Variants in ST3GAL1 observed in about 807,000 individuals in gnomAD.
The protein encoded by ST3GAL1 is ST3 beta-galactoside alpha-2,3-sialyltransferase 1.
Under a neutral mutation model 34.1 loss-of-function variants are expected in ST3GAL1, and 16 were observed. The ratio of observed to expected loss-of-function variants is 0.47; its 90% CI spans 0.32 to 0.71. The LOEUF is 0.71. Ranked by LOEUF, ST3GAL1 falls within the 30% of genes least tolerant of loss-of-function variation. The probability of loss-of-function intolerance (pLI) is 0.04; values close to 1 mark genes in which losing one functional copy is unlikely to be tolerated. For missense variants in ST3GAL1, 353 were observed against 447.4 expected, an observed-to-expected ratio of 0.79 and a Z score of 1.90; for synonymous variants, 191 against 184.7, an observed-to-expected ratio of 1.03 and a Z score of -0.28.
intron 5 of ST3GAL1, among the ~76,000 whole-genome samples, chr8:133,472,604 C>T (rs56864912): frequency 0.014 from 2,120 of 152,238 alleles, 43 homozygotes; most frequent in African/African-American, 0.047. Context: ...GCCTGTATCC[C>T]GATTCTTTAT....
intron 8 of ST3GAL1, 38 bp downstream of exon 8, chr8:133,463,376 C>G (rs372542415): frequency 3.1e-6 from 5 of 1,611,948 alleles, no homozygotes; most frequent in Non-Finnish European, 4.2e-6. Flanking sequence ...GATGAGGAAG[C>G]CTGAACTTAG....
At chr8:133,526,523 T>C (rs998000771) in intron 2 of ST3GAL1, among the ~76,000 whole-genome samples, 10 of 152,154 alleles carry the variant, frequency 6.6e-5, no homozygotes, top group Non-Finnish European at 1.5e-4. Flanking sequence ...AGGACATCTA[T>C]TGAGGGTCAG....
intron 1 of ST3GAL1, among the ~76,000 whole-genome samples, chr8:133,566,218 A>C (rs959543279): frequency 6.6e-6 from 1 of 152,192 alleles, no homozygotes. Context: ...AGTTTGACAC[A>C]ACCCATAGGA....
chr8:133,537,156 G>A (rs1392850440), intron 2 of ST3GAL1, among the ~76,000 whole-genome samples: 1 of 152,106 alleles, frequency 6.6e-6, no homozygotes, highest in Non-Finnish European at 1.5e-5. Flanking sequence ...TTTGCTGGAA[G>A]GGCTCACAGA....
intron 2 of ST3GAL1, among the ~76,000 whole-genome samples, chr8:133,540,290 C>T (rs1294546179): frequency 1.3e-5 from 2 of 152,212 alleles, no homozygotes; most frequent in Admixed American, 6.5e-5. Context: ...AACAGCTCCT[C>T]GCTGCTGCCC....
chr8:133,520,566 C>T (rs1442464868), intron 2 of ST3GAL1, among the ~76,000 whole-genome samples: 2 of 152,086 alleles, frequency 1.3e-5, no homozygotes, highest in Non-Finnish European at 2.9e-5. Flanking sequence ...AACATGAATC[C>T]CCTGCAGGGA....
chr8:133,567,856 T>TG (rs1819448802), intron 1 of ST3GAL1, among the ~76,000 whole-genome samples: 4 of 151,572 alleles, frequency 2.6e-5, no homozygotes, highest in Admixed American at 2.6e-4. Context: ...AGGTGGTGGC[T>TG]GTCTTCACAA....
chr8:133,507,688 G>A (rs182197844), intron 2 of ST3GAL1, among the ~76,000 whole-genome samples: 1 of 152,326 alleles, frequency 6.6e-6, no homozygotes, highest in African/African-American at 2.4e-5. Context: ...GGAAACCTGA[G>A]CAGCATGGAG....
intron 2 of ST3GAL1, among the ~76,000 whole-genome samples, chr8:133,531,914 G>C (rs1387840669): frequency 6.6e-6 from 1 of 151,502 alleles, no homozygotes; most frequent in Admixed American, 6.6e-5. Context: ...GATACTTCTG[G>C]GGAATCCATG....
intron 2 of ST3GAL1, among the ~76,000 whole-genome samples, chr8:133,520,836 A>G (rs1817784281): frequency 6.8e-6 from 1 of 146,004 alleles, no homozygotes; most frequent in Non-Finnish European, 1.5e-5. Flanking sequence ...CTATGGTGCG[A>G]TTCCAGCTCA....
At chr8:133,524,594 C>T (rs543513642) in intron 2 of ST3GAL1, among the ~76,000 whole-genome samples, 5 of 152,382 alleles carry the variant, frequency 3.3e-5, no homozygotes, top group African/African-American at 4.8e-5. Context: ...GCAAGCCAGG[C>T]GTGAAGCAGC....
At position 133,540,856 on chromosome 8, in the gene ST3GAL1, C is replaced by CAT. The variant is rs71299075; in HGVS notation, c.-429+4916_-429+4917dup. On this transcript the variant is annotated intron_variant, in intron 2 of 9. Transcript: ENST00000522652. ...ATATAGAGAGACATATATATAGAGA[C>CAT]ATATATATAGAGACATATATATAGA... Among the ~76,000 whole-genome samples the CAT allele has an allele frequency of 9.1e-4, 72 of 79,332 alleles. 1 individual carries two copies. Among genetic ancestry groups the CAT allele is most frequent in the African/African-American group, 2.2e-3 (42 of 18,974 alleles). 52.0% of individuals were successfully genotyped at this position (79,332 alleles called of 152,430 possible). A position where few individuals can be genotyped will look rare whatever the true frequency, so the allele number is the denominator to read the frequency against.
At chr8:133,510,743 T>C (rs1224528866) in intron 2 of ST3GAL1, among the ~76,000 whole-genome samples, 1 of 152,236 alleles carries the variant, frequency 6.6e-6, no homozygotes, top group Non-Finnish European at 1.5e-5. Flanking sequence ...ACAAACTCCA[T>C]GCACTCTGAG....
intron 2 of ST3GAL1, among the ~76,000 whole-genome samples, chr8:133,526,534 G>T (rs559844931): frequency 5.2e-4 from 79 of 152,212 alleles, no homozygotes; most frequent in African/African-American, 1.7e-3. Flanking sequence ...TGAGGGTCAG[G>T]GACCTAATGG....
Position 133,570,727 on chromosome 8 carries a change from C to G in ST3GAL1, c.-582+966G>C, listed in dbSNP as rs980571147. Among the ~76,000 whole-genome samples the G allele has an allele frequency of 1.9e-4, 29 of 152,094 alleles. No homozygotes were observed. The highest frequency in any genetic ancestry group is 7.0e-4 in the African/African-American group (29 of 41,422). ...AACACTCGCGCAGAGAAAGGAGGAG[C>G]GGAAAGTTGCGCCACCGTCCCGATT... On this transcript the variant is annotated intron_variant, in intron 1 of 9. Transcript: ENST00000522652. The surrounding 1 kb of genome is among the most constrained non-coding windows in gnomAD (Gnocchi z 5.6).
intron 5 of ST3GAL1, among the ~76,000 whole-genome samples, chr8:133,474,986 C>CA (rs1816112124): frequency 6.6e-6 from 1 of 152,082 alleles, no homozygotes; most frequent in East Asian, 1.9e-4. Flanking sequence ...TAGTGGCTCC[C>CA]AAAAAGATAC....
intron 3 of ST3GAL1, among the ~76,000 whole-genome samples, chr8:133,493,076 T>C (rs1031682755): frequency 6.6e-6 from 1 of 152,182 alleles, no homozygotes; most frequent in Non-Finnish European, 1.5e-5. Context: ...CAGGTAGGCA[T>C]CCAACACTGG....
chr8:133,557,107 C>T (rs769927958), intron 1 of ST3GAL1, among the ~76,000 whole-genome samples: 2 of 152,164 alleles, frequency 1.3e-5, no homozygotes, highest in African/African-American at 2.4e-5. Flanking sequence ...CTAGCAAGCT[C>T]AAAGCCTGAT....
At chr8:133,525,379 G>A (rs887666841) in intron 2 of ST3GAL1, among the ~76,000 whole-genome samples, 4 of 152,324 alleles carry the variant, frequency 2.6e-5, no homozygotes, top group African/African-American at 9.6e-5. Flanking sequence ...GCTCAGAAGG[G>A]AGGAAGTGTG....
Sources: allele counts gnomAD v4.1 joint callset (sites outside exome capture counted in the v4.1 genomes callset), GRCh38; gene constraint gnomAD v4.1.1; non-coding constraint Gnocchi (gnomAD v3.1); transcripts MANE v1.5; gene names NCBI Gene and HGNC (gene_info 2026-07-23, HGNC 2026-07-21).